Variants in ZNF804A observed in about 807,000 individuals in gnomAD.
ZNF804A encodes zinc finger protein 804A.
A neutral mutation model predicts 16.5 loss-of-function variants in ZNF804A; 2 were observed. That is an observed-to-expected ratio of 0.12 (90% CI 0.05 to 0.38). The LOEUF is 0.38. ZNF804A is among the 10% of genes least tolerant of loss of function. The probability of loss-of-function intolerance (pLI) is 0.99; values close to 1 mark genes in which losing one functional copy is unlikely to be tolerated. For missense variants in ZNF804A, 1,473 were observed against 1,390.7 expected, an observed-to-expected ratio of 1.06 and a Z score of -0.94; for synonymous variants, 534 against 489.6, an observed-to-expected ratio of 1.09 and a Z score of -1.20.
At chr2:184,879,028 C>T (rs896995454) in intron 2 of ZNF804A, among the ~76,000 whole-genome samples, 10 of 151,964 alleles carry the variant, frequency 6.6e-5, no homozygotes, top group Non-Finnish European at 1.0e-4. Context: ...ACATAACTCA[C>T]TCACAATAAC....
chr2:184,814,310 G>T (rs1319124644), intron 1 of ZNF804A, among the ~76,000 whole-genome samples: 1 of 151,986 alleles, frequency 6.6e-6, no homozygotes, highest in African/African-American at 2.4e-5. Context: ...TCTAGCCTGA[G>T]AATTTCATTG....
At chr2:184,731,671 G>A (rs1693524005) in intron 1 of ZNF804A, among the ~76,000 whole-genome samples, 1 of 147,554 alleles carries the variant, frequency 6.8e-6, no homozygotes, top group South Asian at 2.2e-4. Flanking sequence ...CTAGGCTCAA[G>A]TGATCCTCCC....
intron 1 of ZNF804A, among the ~76,000 whole-genome samples, chr2:184,674,802 AG>A (rs1454940366): frequency 6.7e-6 from 1 of 149,586 alleles, no homozygotes; most frequent in Non-Finnish European, 1.5e-5. Flanking sequence ...GTCTAAAAAA[AG>A]TAGAATTATA....
At chr2:184,894,602 T>C (rs551066485) in intron 2 of ZNF804A, among the ~76,000 whole-genome samples, 1 of 152,106 alleles carries the variant, frequency 6.6e-6, no homozygotes, top group Non-Finnish European at 1.5e-5. Context: ...CACATTTATA[T>C]ATTACTATAT....
chr2:184,870,638 C>G (rs1168866761), intron 2 of ZNF804A, among the ~76,000 whole-genome samples: 1 of 151,690 alleles, frequency 6.6e-6, no homozygotes, highest in East Asian at 1.9e-4. Context: ...ATTTAGACAC[C>G]CAATTAATGC....
intron 1 of ZNF804A, among the ~76,000 whole-genome samples, chr2:184,707,404 G>A (rs1049041818): frequency 1.6e-4 from 25 of 152,096 alleles, no homozygotes; most frequent in Non-Finnish European, 3.5e-4. Context: ...CCCAGAGAGT[G>A]AGCATAGTAC....
chr2:184,797,891 T>C (rs1432477285), intron 1 of ZNF804A, among the ~76,000 whole-genome samples: 2 of 152,128 alleles, frequency 1.3e-5, no homozygotes, highest in African/African-American at 4.8e-5. Flanking sequence ...GCAGTTCTTA[T>C]AGTTGTGGCT....
At chr2:184,706,735 C>T (rs1693036915) in intron 1 of ZNF804A, among the ~76,000 whole-genome samples, 2 of 152,132 alleles carry the variant, frequency 1.3e-5, no homozygotes, top group East Asian at 3.9e-4. Context: ...GTTTTGATTG[C>T]ACTCTATGTT....
chr2:184,611,262 A>G (rs2105671976), intron 1 of ZNF804A, among the ~76,000 whole-genome samples: 1 of 152,234 alleles, frequency 6.6e-6, no homozygotes, highest in South Asian at 2.1e-4. Flanking sequence ...GGGGCTTAGA[A>G]TTTCAACATA....
intron 2 of ZNF804A, among the ~76,000 whole-genome samples, chr2:184,892,864 C>A (rs909704208): frequency 6.6e-5 from 10 of 152,082 alleles, no homozygotes; most frequent in African/African-American, 2.4e-4. Flanking sequence ...TGTTTTAATT[C>A]TGCCTGGTTG....
chr2:184,829,435 C>G (rs1695223306), intron 1 of ZNF804A, among the ~76,000 whole-genome samples: 1 of 151,830 alleles, frequency 6.6e-6, no homozygotes, highest in Non-Finnish European at 1.5e-5. Flanking sequence ...ATAAGAATTG[C>G]TATTTTTTTA....
At chr2:184,754,992 T>C (rs1482861119) in intron 1 of ZNF804A, among the ~76,000 whole-genome samples, 1 of 151,802 alleles carries the variant, frequency 6.6e-6, no homozygotes, top group East Asian at 1.9e-4. Flanking sequence ...ACTGCCCCCA[T>C]GATCAATCAC....
At chr2:184,765,652 T>C (rs748141297) in intron 1 of ZNF804A, among the ~76,000 whole-genome samples, 2 of 129,082 alleles carry the variant, frequency 1.5e-5, no homozygotes, top group East Asian at 2.6e-4. Context: ...CAGGAATTGC[T>C]CAGTCGGGGA....
chr2:184,740,315 A>C (rs1437036079), intron 1 of ZNF804A, among the ~76,000 whole-genome samples: 2 of 152,236 alleles, frequency 1.3e-5, no homozygotes, highest in African/African-American at 2.4e-5. Flanking sequence ...ATTTATGGTC[A>C]CAATAATAAG....
Position 184,764,851 on chromosome 2 carries a change from A to C in ZNF804A, c.112-101518A>C, listed in dbSNP as rs115852162. On this transcript the variant is annotated intron_variant, in intron 1 of 3. Coordinates refer to ENST00000302277, the MANE Select transcript of ZNF804A (RefSeq NM_194250.2). ...TAATTTATACTGTTTTTAATTTCTGAATGTTTTAGTCCATACAATTATGAC... is the reference window on the plus strand; with the variant it reads ...TAATTTATACTGTTTTTAATTTCTGCATGTTTTAGTCCATACAATTATGAC... Among the ~76,000 whole-genome samples, 603 of 152,288 alleles carry C rather than the reference A, an allele frequency of 4.0e-3. 12 individuals carry two copies. Among genetic ancestry groups the C allele is most frequent in the African/African-American group, 0.013 (548 of 41,576 alleles).
intron 1 of ZNF804A, among the ~76,000 whole-genome samples, chr2:184,826,670 C>G (rs969686496): frequency 1.3e-5 from 2 of 152,038 alleles, no homozygotes; most frequent in Admixed American, 1.3e-4. Context: ...TTTATTAATA[C>G]ATACTTGAAA....
intron 1 of ZNF804A, among the ~76,000 whole-genome samples, chr2:184,740,904 A>C (rs1693701041): frequency 1.3e-5 from 2 of 152,172 alleles, no homozygotes; most frequent in African/African-American, 4.8e-5. Flanking sequence ...TTCATCTGTA[A>C]AGCAGACTTT....
chr2:184,892,125 T>C (rs188091970), intron 2 of ZNF804A, among the ~76,000 whole-genome samples: 2 of 152,220 alleles, frequency 1.3e-5, no homozygotes, highest in Non-Finnish European at 2.9e-5. Flanking sequence ...TTTATAATTA[T>C]TAGTTTTGAA....
intron 1 of ZNF804A, among the ~76,000 whole-genome samples, chr2:184,689,189 T>G (rs929198604): frequency 6.6e-6 from 1 of 152,116 alleles, no homozygotes; most frequent in African/African-American, 2.4e-5. Context: ...GCATCTCTCC[T>G]TCGTCTCTGC....
Sources: allele counts gnomAD v4.1 joint callset (sites outside exome capture counted in the v4.1 genomes callset), GRCh38; gene constraint gnomAD v4.1.1; transcripts MANE v1.5; gene names NCBI Gene and HGNC (gene_info 2026-07-23, HGNC 2026-07-21).